The following ANXA2 variants were observed in gnomAD, a reference collection of about 807,000 sequenced individuals.
The protein encoded by ANXA2 is annexin II.
In ANXA2, 28 loss-of-function variants were observed where a neutral mutation model predicts 47.3. That is an observed-to-expected ratio of 0.59 (90% CI 0.44 to 0.81). The LOEUF is 0.81. Among genes scored for constraint, ANXA2 ranks in the 40% least tolerant of loss-of-function variants. ANXA2 has a pLI of 0.00. For missense variants in ANXA2, 384 were observed against 414.3 expected (o/e 0.93, Z 0.64); for synonymous variants, 172 against 155.5 (o/e 1.11, Z -0.79).
chr15:60,368,102 G>T (rs1028453894), intron 3 of ANXA2, among the ~76,000 whole-genome samples: 1 of 138,312 alleles, frequency 7.2e-6, no homozygotes, highest in Admixed American at 7.4e-5. Flanking sequence ...TTAAACAGAT[G>T]CTTGAAGGCA....
intron 1 of ANXA2, chr15:60,391,272 GAC>G (rs1213840444): frequency 6.6e-6 from 1 of 152,280 alleles, no homozygotes; most frequent in Admixed American, 6.5e-5. Context: ...AAGTGATTAA[GAC>G]ACAGAGAGAA....
intron 3 of ANXA2, among the ~76,000 whole-genome samples, chr15:60,367,564 G>A (rs1260487418): frequency 1.5e-5 from 1 of 66,004 alleles, no homozygotes; most frequent in African/African-American, 7.8e-5. Flanking sequence ...GAGGGAGGTG[G>A]GGGGGACAGC....
intron 3 of ANXA2, among the ~76,000 whole-genome samples, chr15:60,378,497 T>C (rs1378373409): frequency 6.6e-6 from 1 of 152,242 alleles, no homozygotes. Flanking sequence ...TTATCTGGTC[T>C]TTCACTACCA....
chr15:60,385,865 G>T lies in ANXA2; in HGVS notation c.48+163C>A, dbSNP rs763802577. 17 of 525,448 alleles carry T rather than the reference G, an allele frequency of 3.2e-5. 1 individual carries two copies. Among genetic ancestry groups the T allele is most frequent in the Non-Finnish European group, 4.7e-5 (14 of 295,352 alleles). The allele number at this position is 525,448 out of a possible 1,614,324, so 32.5% of individuals were successfully genotyped here. On this transcript the variant is annotated intron_variant, in intron 2 of 12. Coordinates refer to ENST00000451270, the MANE Select transcript of ANXA2 (RefSeq NM_004039.3). ...AGTGCCATGATATTTCCTTCAAATT[G>T]AACTACTAGGAACAGCTGAAGTATT... is the stretch of plus-strand genomic sequence containing the variant.
In ANXA2 at chr15:60,357,031, G is replaced by A. The variant is rs539669168; in HGVS notation, c.448+115C>T. 10 of 859,312 alleles carry A rather than the reference G, an allele frequency of 1.2e-5. 1 individual carries two copies. Among genetic ancestry groups the A allele is most frequent in the Non-Finnish European group, 1.9e-5 (10 of 533,514 alleles). 53.2% of individuals were successfully genotyped at this position (859,312 alleles called of 1,614,324 possible). A position where few individuals can be genotyped will look rare whatever the true frequency, so the allele number is the denominator to read the frequency against. On this transcript the variant is annotated intron_variant, in intron 6 of 12. Transcript: ENST00000451270. ...CTTGCCTGCATAGTCAAGGTGGCAGGCACTTCTGCACATCACTAATGCAGG... is the reference window on the plus strand; with the variant it reads ...CTTGCCTGCATAGTCAAGGTGGCAGACACTTCTGCACATCACTAATGCAGG...
chr15:60,376,461 G>A (rs1225740525), intron 3 of ANXA2, among the ~76,000 whole-genome samples: 1 of 152,068 alleles, frequency 6.6e-6, no homozygotes, highest in African/African-American at 2.4e-5. Context: ...GGGAAGGGGT[G>A]AATAAGAGCT....
intron 11 of ANXA2, among the ~76,000 whole-genome samples, chr15:60,349,700 AGGAAAGACAGAGAGAGAGAG>A (rs796238051): frequency 8.6e-5 from 13 of 151,170 alleles, no homozygotes; most frequent in East Asian, 2.0e-4. Flanking sequence ...CCTATAAGAA[AGGAAAGACAGAGAGAGAGAG>A]GGAAAGACAG....
At chr15:60,394,839 T>C (rs1265105924) in intron 1 of ANXA2, 1 of 151,334 alleles carries the variant, frequency 6.6e-6, no homozygotes, top group Admixed American at 6.6e-5. Flanking sequence ...CTGGAGAAAG[T>C]AGATGAGGAC....
In ANXA2 at chr15:60,347,276, C is replaced by T. The variant is rs1895758150; in HGVS notation, c.*354G>A. 6.9e-6 allele frequency: 2 copies of T among 290,534 alleles called. No individual in the cohort carries two copies. The highest frequency in any genetic ancestry group is 4.3e-5 in the African/African-American group (2 of 45,978). The allele number at this position is 290,534 out of a possible 1,614,324, so 18.0% of individuals were successfully genotyped here. A position where few individuals can be genotyped will look rare whatever the true frequency, so the allele number is the denominator to read the frequency against. On this transcript the variant is annotated 3_prime_UTR_variant, in exon 13 of 13. Coordinates refer to ENST00000451270, the MANE Select transcript of ANXA2 (RefSeq NM_004039.3). ...CAGGGACAGCCTCACCAGCTGAACC[C>T]CAAGCACGTTTAATTTTCAAACAAT... is the stretch of plus-strand genomic sequence containing the variant.
intron 3 of ANXA2, among the ~76,000 whole-genome samples, chr15:60,371,865 C>A (rs903921881): frequency 2.0e-5 from 3 of 152,118 alleles, no homozygotes; most frequent in African/African-American, 7.2e-5. Context: ...ATAATAGTAA[C>A]CTTTTGCCGG....
chr15:60,368,924 A>G (rs78980109), intron 3 of ANXA2, among the ~76,000 whole-genome samples: 4,930 of 152,338 alleles, frequency 0.032, 141 homozygotes, highest in East Asian at 0.08. Context: ...GTTTCCAAAC[A>G]TCGTAAGACA....
chr15:60,393,826 G>A (rs10083663), intron 1 of ANXA2, among the ~76,000 whole-genome samples: 146,301 of 152,286 alleles, frequency 0.96, 70,573 homozygotes, highest in Middle Eastern at 1. Context: ...TTTCCTCATA[G>A]GTCTGAGCAC....
chr15:60,391,179 G>A (rs2063004557), intron 1 of ANXA2: 1 of 152,282 alleles, frequency 6.6e-6, no homozygotes, highest in Admixed American at 6.5e-5. Context: ...AGTGAATTAA[G>A]TAGCTGAGGC....
intron 3 of ANXA2, among the ~76,000 whole-genome samples, chr15:60,372,456 G>T (rs938004269): frequency 3.9e-5 from 6 of 152,078 alleles, no homozygotes; most frequent in Non-Finnish European, 7.4e-5. Context: ...TAAAGCAAGA[G>T]GAAGACAGCA....
intron 2 of ANXA2, chr15:60,384,938 T>A (rs1413098632): frequency 6.6e-6 from 1 of 152,278 alleles, no homozygotes; most frequent in Non-Finnish European, 1.5e-5. Context: ...GTAAAAGCCA[T>A]TTCTGCCAGG....
intron 3 of ANXA2, among the ~76,000 whole-genome samples, chr15:60,380,204 C>A (rs1274969187): frequency 1.3e-5 from 2 of 152,066 alleles, no homozygotes; most frequent in Non-Finnish European, 2.9e-5. Context: ...CATCTATATG[C>A]CAGGCATCGT....
At chr15:60,374,341 A>G (rs2062749007) in intron 3 of ANXA2, 1 of 391,964 alleles carries the variant, frequency 2.6e-6, no homozygotes, top group Admixed American at 3.3e-5. Flanking sequence ...AGGAACATGC[A>G]TAAAATGCAA....
chr15:60,365,896 C>T (rs1489954185), intron 3 of ANXA2, among the ~76,000 whole-genome samples: 2 of 134,196 alleles, frequency 1.5e-5, no homozygotes, highest in African/African-American at 5.7e-5. Flanking sequence ...CCTCTGATGC[C>T]GAGCCAAAGC....
intron 3 of ANXA2, among the ~76,000 whole-genome samples, chr15:60,368,074 G>T (rs1422085376): frequency 7.5e-6 from 1 of 132,730 alleles, no homozygotes; most frequent in African/African-American, 2.9e-5. Flanking sequence ...GATTAAGGGC[G>T]GTGCAAGATG....
Sources: allele counts gnomAD v4.1 joint callset (sites outside exome capture counted in the v4.1 genomes callset), GRCh38; gene constraint gnomAD v4.1.1; transcripts MANE v1.5; gene names NCBI Gene and HGNC (gene_info 2026-07-23, HGNC 2026-07-21).